BTBD9: variants seen among roughly 807,000 people sequenced by gnomAD.
BTBD9 encodes BTB domain containing 9.
A neutral mutation model predicts 64.3 loss-of-function variants in BTBD9; 49 were observed. The ratio of observed to expected loss-of-function variants is 0.76; its 90% CI spans 0.61 to 0.97. BTBD9 has a LOEUF of 0.97. Among genes scored for constraint, BTBD9 ranks in the 50% least tolerant of loss-of-function variants. The pLI is 0.00. For synonymous variants in BTBD9, 260 were observed against 274.7 expected (o/e 0.95, Z 0.53); for missense variants, 598 against 762.1 (o/e 0.78, Z 2.53).
At chr6:38,573,218 T>C (rs1360366134) in intron 6 of BTBD9, among the ~76,000 whole-genome samples, 1 of 152,168 alleles carries the variant, frequency 6.6e-6, no homozygotes, top group African/African-American at 2.4e-5. Flanking sequence ...ACGGTGACAG[T>C]GTCTGCATTG....
intron 6 of BTBD9, among the ~76,000 whole-genome samples, chr6:38,408,733 T>TAG: frequency 6.6e-6 from 1 of 152,338 alleles, no homozygotes; most frequent in East Asian, 1.9e-4. Context: ...CTTTTATTAT[T>TAG]TCCTAAGTCT....
At chr6:38,412,349 T>C (rs999841458) in intron 6 of BTBD9, among the ~76,000 whole-genome samples, 2 of 151,970 alleles carry the variant, frequency 1.3e-5, no homozygotes, top group Admixed American at 6.6e-5. Context: ...CACGAACATA[T>C]GCTCAACTTC....
intron 9 of BTBD9, among the ~76,000 whole-genome samples, chr6:38,195,254 G>A (rs775883828): frequency 6.6e-6 from 1 of 152,188 alleles, no homozygotes; most frequent in African/African-American, 2.4e-5. Flanking sequence ...ATTTCACAGG[G>A]CCAGAAAACC....
At chr6:38,522,109 G>T (rs1174330178) in intron 6 of BTBD9, among the ~76,000 whole-genome samples, 1 of 152,102 alleles carries the variant, frequency 6.6e-6, no homozygotes, top group Non-Finnish European at 1.5e-5. Context: ...TAAGCTCGCA[G>T]GCTCCGTCTT....
chr6:38,387,787 C>T (rs1478295112), intron 6 of BTBD9, among the ~76,000 whole-genome samples: 1 of 152,100 alleles, frequency 6.6e-6, no homozygotes, highest in East Asian at 1.9e-4. Flanking sequence ...GGGAAAAGGA[C>T]TTGCCCAGAT....
At chr6:38,328,839 T>C (rs1424893796) in intron 7 of BTBD9, among the ~76,000 whole-genome samples, 1 of 151,422 alleles carries the variant, frequency 6.6e-6, no homozygotes, top group African/African-American at 2.4e-5. Context: ...CCCAGCTACT[T>C]GGGAGACTGA....
intron 6 of BTBD9, among the ~76,000 whole-genome samples, chr6:38,521,997 T>C (rs1192997616): frequency 2.0e-5 from 3 of 152,288 alleles, no homozygotes; most frequent in Admixed American, 2.0e-4. Context: ...TTCTAAGTTA[T>C]CAGTTTTTAC....
rs368538628 is a variant in BTBD9 at position 38,429,482 on chromosome 6, C to T, written c.1155-84389G>A. On this transcript the variant is annotated intron_variant, in intron 6 of 10. Coordinates refer to ENST00000481247, the MANE Select transcript of BTBD9 (RefSeq NM_001099272.2). ...AAAAAAAAAAAAAAAGAAAGAAAAA[C>T]GGATTTGAATATAATTTTACCACCC... Among the ~76,000 whole-genome samples, 233 of 147,726 alleles carry T rather than the reference C, an allele frequency of 1.6e-3. 1 individual carries two copies. Among genetic ancestry groups the T allele is most frequent in the Non-Finnish European group, 1.8e-3 (120 of 66,920 alleles).
intron 6 of BTBD9, among the ~76,000 whole-genome samples, chr6:38,530,364 T>C (rs931748504): frequency 1.3e-5 from 2 of 152,228 alleles, no homozygotes; most frequent in Non-Finnish European, 1.5e-5. Flanking sequence ...TTCTGCTTTC[T>C]GCCCTTTGAA....
intron 6 of BTBD9, among the ~76,000 whole-genome samples, chr6:38,442,661 C>CTTTTTTTTTT (rs11313452): frequency 1.4e-4 from 8 of 57,566 alleles, no homozygotes; most frequent in East Asian, 6.2e-4. Context: ...CATTTGTACT[C>CTTTTTTTTTT]TTTTTTTTTT....
At chr6:38,562,520 T>C (rs1270446771) in intron 6 of BTBD9, among the ~76,000 whole-genome samples, 1 of 152,220 alleles carries the variant, frequency 6.6e-6, no homozygotes, top group Non-Finnish European at 1.5e-5. Context: ...AAAAGATAAA[T>C]AAACATCTAC....
chr6:38,582,918 G>A (rs1213551965), intron 4 of BTBD9, among the ~76,000 whole-genome samples: 1 of 152,110 alleles, frequency 6.6e-6, no homozygotes, highest in Non-Finnish European at 1.5e-5. Context: ...ATTTTTCTGA[G>A]GACTCATCCT....
chr6:38,585,140 G>C (rs1776456899), intron 4 of BTBD9, among the ~76,000 whole-genome samples: 1 of 151,762 alleles, frequency 6.6e-6, no homozygotes, highest in Non-Finnish European at 1.5e-5. Context: ...CAGGAGACAA[G>C]AGCATGTGTA....
At chr6:38,310,427 A>T (rs2127570206) in intron 7 of BTBD9, among the ~76,000 whole-genome samples, 1 of 152,180 alleles carries the variant, frequency 6.6e-6, no homozygotes, top group South Asian at 2.1e-4. Flanking sequence ...ATCAGAAAAA[A>T]AAAAAAATCT....
chr6:38,536,358 C>A (rs185181011), intron 6 of BTBD9, among the ~76,000 whole-genome samples: 316 of 152,190 alleles, frequency 2.1e-3, no homozygotes, highest in Middle Eastern at 0.01. Context: ...GAAAAGGGAA[C>A]CCTCGTACAC....
At chr6:38,386,866 C>T (rs1479410398) in intron 6 of BTBD9, among the ~76,000 whole-genome samples, 2 of 152,106 alleles carry the variant, frequency 1.3e-5, no homozygotes, top group African/African-American at 4.8e-5. Context: ...TGCTCTTGAA[C>T]TCCTGAGTTC....
At chr6:38,264,185 G>A (rs1764892223) in intron 8 of BTBD9, among the ~76,000 whole-genome samples, 1 of 152,210 alleles carries the variant, frequency 6.6e-6, no homozygotes. Context: ...GGAACAATCA[G>A]TGTAGTTTAT....
At chr6:38,441,082 T>C (rs975127119) in intron 6 of BTBD9, among the ~76,000 whole-genome samples, 7 of 152,304 alleles carry the variant, frequency 4.6e-5, no homozygotes, top group Admixed American at 2.0e-4. Flanking sequence ...GTAAATTTCA[T>C]AGAACTCAGA....
intron 6 of BTBD9, among the ~76,000 whole-genome samples, chr6:38,379,284 G>A (rs774224825): frequency 3.9e-5 from 6 of 152,200 alleles, no homozygotes; most frequent in Non-Finnish European, 7.3e-5. Flanking sequence ...TGCAAAAGGA[G>A]ATAGGGCTGA....
Sources: gnomAD v4.1 joint callset for allele counts (sites outside exome capture counted in the v4.1 genomes callset) on GRCh38, gnomAD v4.1.1 for gene constraint, MANE v1.5 for transcripts, NCBI Gene and HGNC (gene_info 2026-07-23, HGNC 2026-07-21) for gene names.